The following LGR6 variants were observed in gnomAD, a reference collection of about 807,000 sequenced individuals.
LGR6 encodes leucine rich repeat containing G protein-coupled receptor 6.
A neutral mutation model predicts 69.4 loss-of-function variants in LGR6; 45 were observed. The ratio of observed to expected loss-of-function variants is 0.65; its 90% CI spans 0.51 to 0.83. The LOEUF is 0.83. Ranked by LOEUF, LGR6 falls within the 40% of genes least tolerant of loss-of-function variation. The pLI is 0.00. For missense variants in LGR6, 1,108 were observed against 1,246.7 expected (o/e 0.89, Z 1.68); for synonymous variants, 538 against 555.0 (o/e 0.97, Z 0.43).
intron 4 of LGR6, among the ~76,000 whole-genome samples, chr1:202,241,224 C>G (rs1662176959): frequency 6.6e-6 from 1 of 152,210 alleles, no homozygotes; most frequent in Admixed American, 6.5e-5. Flanking sequence ...ACCCCCTGCC[C>G]ATGCCCCTCC....
At chr1:202,205,993 T>C (rs61821572) in intron 1 of LGR6, among the ~76,000 whole-genome samples, 8,812 of 103,048 alleles carry the variant, frequency 0.086, 354 homozygotes, top group Admixed American at 0.18. Context: ...CACACACCCC[T>C]AGTATGGGTC....
At chr1:202,262,654 C>A (rs1664327861) in intron 4 of LGR6, among the ~76,000 whole-genome samples, 1 of 152,126 alleles carries the variant, frequency 6.6e-6, no homozygotes. Flanking sequence ...GGGTTTAATC[C>A]TCTGGAATAC....
intron 4 of LGR6, among the ~76,000 whole-genome samples, chr1:202,246,406 A>G (rs1030614496): frequency 4.5e-5 from 3 of 67,316 alleles, no homozygotes; most frequent in Non-Finnish European, 8.4e-5. Flanking sequence ...CCCTTCATCT[A>G]TCCATTCATC....
intron 1 of LGR6, among the ~76,000 whole-genome samples, chr1:202,211,516 C>A (rs1045985199): frequency 2.0e-5 from 3 of 152,084 alleles, no homozygotes; most frequent in African/African-American, 4.8e-5. Context: ...CATGTGCCAC[C>A]ACACCCGGCT....
intron 4 of LGR6, among the ~76,000 whole-genome samples, chr1:202,269,533 T>C (rs915430173): frequency 3.9e-5 from 6 of 152,170 alleles, no homozygotes; most frequent in Non-Finnish European, 8.8e-5. Flanking sequence ...GATGAGACCA[T>C]GTCATGGAAG....
At chr1:202,214,210 C>G in intron 1 of LGR6, 1 of 1,542,446 alleles carries the variant, frequency 6.5e-7, no homozygotes. Flanking sequence ...CTCTCCCGGG[C>G]TGGGAGTGCA....
intron 1 of LGR6, 103 bp from the exon 2 acceptor site, chr1:202,225,320 T>C: frequency 1.0e-6 from 1 of 979,362 alleles, no homozygotes; most frequent in Non-Finnish European, 1.6e-6. Context: ...TGGGGGGTAC[T>C]GTGGGAGCCT....
chr1:202,243,433 C>T (rs899313022), intron 4 of LGR6, among the ~76,000 whole-genome samples: 21 of 152,284 alleles, frequency 1.4e-4, no homozygotes, highest in Non-Finnish European at 2.2e-4. Context: ...CACAAGAGAG[C>T]TTCTGAGGCT....
At chr1:202,284,961 C>A (rs1465044632) in intron 6 of LGR6, among the ~76,000 whole-genome samples, 3 of 152,226 alleles carry the variant, frequency 2.0e-5, no homozygotes, top group Non-Finnish European at 2.9e-5. Flanking sequence ...GGACACTTCC[C>A]TTTGGAGGAG....
Position 202,305,608 on chromosome 1 carries a change from C to T in LGR6, c.1071-76C>T, listed in dbSNP as rs961705204. ...AATTGACAGGAAAGCACAGTCCTGGCTAGAGCCCCCCGTCCCCGAGCAGCC... is the reference window on the plus strand; with the variant it reads ...AATTGACAGGAAAGCACAGTCCTGGTTAGAGCCCCCCGTCCCCGAGCAGCC... On this transcript the variant is annotated intron_variant, in intron 11 of 17. Coordinates refer to ENST00000367278, the MANE Select transcript of LGR6 (RefSeq NM_001017403.2). 4 of 1,287,078 alleles carry T rather than the reference C, an allele frequency of 3.1e-6. No individual in the cohort carries two copies. In the South Asian group the frequency reaches 3.6e-5, roughly 12 times the overall value. 79.7% of individuals were successfully genotyped at this position (1,287,078 alleles called of 1,614,324 possible).
chr1:202,296,717 C>T (rs1450062955), intron 6 of LGR6, among the ~76,000 whole-genome samples: 1 of 152,148 alleles, frequency 6.6e-6, no homozygotes. Context: ...ATATTTTGCC[C>T]CTGGTGCCTA....
chr1:202,270,712 C>T lies in LGR6; in HGVS notation c.429-5594C>T, dbSNP rs950683690. Among the ~76,000 whole-genome samples the T allele has an allele frequency of 2.6e-5, 4 of 152,242 alleles. No homozygotes were observed. In the East Asian group the frequency reaches 7.7e-4, roughly 29 times the overall value. On this transcript the variant is annotated intron_variant, in intron 4 of 17. Coordinates refer to ENST00000367278, the MANE Select transcript of LGR6 (RefSeq NM_001017403.2). ...GTCCTGGGTCGCTGTCAGTGGGTCA[C>T]TTCTTGCTGTCTAACCTAAAGCTCT...
At chr1:202,214,554 T>G (rs542512076) in intron 1 of LGR6, among the ~76,000 whole-genome samples, 1 of 152,274 alleles carries the variant, frequency 6.6e-6, no homozygotes, top group Admixed American at 6.5e-5. Context: ...GGGGCTCCAC[T>G]GAACCACCTG....
chr1:202,289,304 A>G (rs1307421904), intron 6 of LGR6, among the ~76,000 whole-genome samples: 2 of 152,192 alleles, frequency 1.3e-5, no homozygotes, highest in African/African-American at 4.8e-5. Context: ...CCCTTTAGAT[A>G]GTTCTAGTAC....
intron 1 of LGR6, among the ~76,000 whole-genome samples, chr1:202,211,866 A>G (rs1295802646): frequency 6.6e-6 from 1 of 152,064 alleles, no homozygotes; most frequent in African/African-American, 2.4e-5. Context: ...GATAGCAACG[A>G]TCGTGATTTC....
At chr1:202,218,716 A>G (rs1458470424) in intron 1 of LGR6, among the ~76,000 whole-genome samples, 1 of 152,172 alleles carries the variant, frequency 6.6e-6, no homozygotes, top group Non-Finnish European at 1.5e-5. Context: ...TGGGTTGCTC[A>G]CGTCTCATCC....
intron 4 of LGR6, among the ~76,000 whole-genome samples, chr1:202,245,407 G>A (rs1662571773): frequency 6.6e-6 from 1 of 152,142 alleles, no homozygotes; most frequent in Non-Finnish European, 1.5e-5. Flanking sequence ...GCTGGGCCAG[G>A]GGATCAGGGG....
intron 4 of LGR6, among the ~76,000 whole-genome samples, chr1:202,252,690 C>T (rs539297027): frequency 2.0e-5 from 3 of 152,360 alleles, no homozygotes; most frequent in Non-Finnish European, 2.9e-5. Context: ...AATCTGGTTT[C>T]GGACTTGTGG....
chr1:202,276,261 G>A, intron 4 of LGR6, 45 bp from the exon 5 acceptor site: 3 of 1,528,726 alleles, frequency 2.0e-6, no homozygotes, highest in African/African-American at 1.4e-5. Flanking sequence ...AGCTTGGTCT[G>A]CATCTTGCCC....
Sources: gnomAD v4.1 joint callset for allele counts (sites outside exome capture counted in the v4.1 genomes callset) on GRCh38, gnomAD v4.1.1 for gene constraint, MANE v1.5 for transcripts, NCBI Gene and HGNC (gene_info 2026-07-23, HGNC 2026-07-21) for gene names.